The following ITGB5 variants were observed in gnomAD, a reference collection of about 807,000 sequenced individuals.
ITGB5 encodes integrin subunit beta 5.
ITGB5 carries 38 observed loss-of-function variants against 84.8 expected under a neutral mutation model. The observed-to-expected ratio is 0.45, with a 90% CI of 0.35 to 0.59. The LOEUF is 0.59. ITGB5 is among the 20% of genes least tolerant of loss of function. The pLI, the probability that ITGB5 is intolerant of heterozygous loss-of-function variation, is 0.01. For synonymous variants in ITGB5, 393 were observed against 414.4 expected (o/e 0.95, Z 0.63); for missense variants, 905 against 1,034.5 (o/e 0.87, Z 1.72).
chr3:124,810,782 T>C (rs1239424099), intron 8 of ITGB5, among the ~76,000 whole-genome samples: 1 of 152,114 alleles, frequency 6.6e-6, no homozygotes, highest in Non-Finnish European at 1.5e-5. Context: ...GATGTACCCA[T>C]ATGAGAGACA....
chr3:124,860,389 T>C (rs1347040363), intron 2 of ITGB5, among the ~76,000 whole-genome samples: 3 of 152,254 alleles, frequency 2.0e-5, no homozygotes, highest in African/African-American at 4.8e-5. Flanking sequence ...AGAACAATTT[T>C]AAATGAGGTG....
chr3:124,876,764 C>A (rs1934338157), intron 1 of ITGB5, among the ~76,000 whole-genome samples: 1 of 152,160 alleles, frequency 6.6e-6, no homozygotes, highest in African/African-American at 2.4e-5. Flanking sequence ...GCAGGAGGAT[C>A]TGAGGCTGCT....
At chr3:124,764,626 C>A (rs192636376) in intron 13 of ITGB5, 69 bp from the exon 14 acceptor site, 136 of 1,493,006 alleles carry the variant, frequency 9.1e-5, no homozygotes, top group Non-Finnish European at 1.2e-4. Flanking sequence ...CAACTGCAGG[C>A]ATTTCTGAGA....
chr3:124,835,699 G>A (rs920219288), intron 5 of ITGB5, among the ~76,000 whole-genome samples: 1 of 152,226 alleles, frequency 6.6e-6, no homozygotes, highest in South Asian at 2.1e-4. Context: ...CTTGAGGAAA[G>A]AAAGGCAATT....
At chr3:124,781,766 C>G (rs2150948569) in intron 10 of ITGB5, among the ~76,000 whole-genome samples, 1 of 152,264 alleles carries the variant, frequency 6.6e-6, no homozygotes, top group East Asian at 1.9e-4. Flanking sequence ...TTAAAACCAC[C>G]CCTAGAACTC....
intron 5 of ITGB5, among the ~76,000 whole-genome samples, chr3:124,830,265 C>T (rs1392560073): frequency 6.6e-6 from 1 of 152,196 alleles, no homozygotes; most frequent in Non-Finnish European, 1.5e-5. Flanking sequence ...TCTGCCCCAC[C>T]CTCCACAGTT....
chr3:124,819,815 A>G lies in ITGB5; in HGVS notation c.962T>C (p.Leu321Ser), dbSNP rs1156583034. 1.2e-6 allele frequency: 2 copies of G among 1,613,856 alleles called. No individual in the cohort carries two copies. Among genetic ancestry groups the G allele is most frequent in the Non-Finnish European group, 1.7e-6 (2 of 1,179,828 alleles). ...SNQMDYPSLA[L>S]LGEKLAENNI... ...GTTCTCTGCCAATTTCTCTCCAAGCAAGGCAAGGGATGGATAGTCCTAGGG... is the reference window on the plus strand; with the variant it reads ...GTTCTCTGCCAATTTCTCTCCAAGCGAGGCAAGGGATGGATAGTCCTAGGG... Residue 321 changes from leucine to serine, a missense_variant, in exon 7 of 15, where the codon TTG (leucine) becomes TCG (serine). By Grantham distance (145) the Leu-to-Ser change is moderately radical. Around this residue, in one of 3 missense-constraint regions of ITGB5, gnomAD observed 656 missense variants for 734.7 expected, o/e 0.89. Coordinates refer to ENST00000296181, the MANE Select transcript of ITGB5 (RefSeq NM_002213.5).
At chr3:124,775,793 G>A (rs192169792) in intron 10 of ITGB5, among the ~76,000 whole-genome samples, 148 of 152,244 alleles carry the variant, frequency 9.7e-4, no homozygotes, top group Middle Eastern at 3.4e-3. Flanking sequence ...ATATAATATA[G>A]GTCAGAACTC....
chr3:124,795,947 T>TTA (rs2064216101), intron 10 of ITGB5, among the ~76,000 whole-genome samples: 1 of 152,210 alleles, frequency 6.6e-6, no homozygotes, highest in Non-Finnish European at 1.5e-5. Context: ...TAAATGTGTA[T>TTA]TATTTTAAGC....
chr3:124,887,722 C>A (rs1045867845), upstream of ITGB5: 2 of 452,166 alleles, frequency 4.4e-6, no homozygotes, highest in Admixed American at 2.4e-5. Flanking sequence ...GGGCCAAAGG[C>A]GGTTGCTAGA....
At position 124,821,494 on chromosome 3, in the gene ITGB5, TG is replaced by T. The variant is rs1348843973; in HGVS notation, c.781-21del. On this transcript the variant is annotated intron_variant, in intron 5 of 14. Transcript: ENST00000296181. ...CTTCTCCTGAAGGACAGAAGGTGGA[TG>T]GGTACACCAGTCTTTCTGCCCAGTC... 6 of 1,613,364 alleles carry T rather than the reference TG, an allele frequency of 3.7e-6. No homozygotes were observed. The East Asian group carries it at 1.1e-4, about 30-fold the overall frequency.
At chr3:124,804,482 A>G (rs1034438332) in intron 9 of ITGB5, among the ~76,000 whole-genome samples, 4 of 152,124 alleles carry the variant, frequency 2.6e-5, no homozygotes, top group Admixed American at 1.3e-4. Context: ...TTGGAGTTAG[A>G]GGTTACAGTC....
intron 1 of ITGB5, among the ~76,000 whole-genome samples, chr3:124,874,824 T>C (rs2650070): frequency 0.84 from 127,237 of 152,188 alleles, 53,440 homozygotes; most frequent in African/African-American, 0.92. Flanking sequence ...GAAACTGAAC[T>C]CTTATCTCAC....
chr3:124,819,748 C>T lies in ITGB5; in HGVS notation c.1029G>A (p.Met343Ile). The change falls in exon 7 of 15, where the codon ATG becomes ATA. Residue 343 changes from methionine to isoleucine, a missense_variant. Transcript: ENST00000296181. ...CTCCCTCCCAGCATACCTTGTACAG[C>T]ATATAATGGTTTTTTGTCACTGCAA... The part of the protein sequence containing the change: ...LIFAVTKNHY[M>I]LYKNFTALIP... 5 of 1,610,308 alleles carry T rather than the reference C, an allele frequency of 3.1e-6. No individual in the cohort carries two copies. The highest frequency in any genetic ancestry group is 4.2e-6 in the Non-Finnish European group (5 of 1,176,480).
intron 1 of ITGB5, among the ~76,000 whole-genome samples, chr3:124,886,564 G>A (rs1455513475): frequency 1.3e-5 from 2 of 152,054 alleles, no homozygotes; most frequent in African/African-American, 4.8e-5. Flanking sequence ...GCTCCCGGCC[G>A]GCCACAAGGA....
intron 1 of ITGB5, among the ~76,000 whole-genome samples, chr3:124,897,741 T>C (rs1935132076): frequency 6.6e-6 from 1 of 152,190 alleles, no homozygotes; most frequent in Non-Finnish European, 1.5e-5. Context: ...ATGTGACAAA[T>C]ACTGTTCCAG....
intron 2 of ITGB5, among the ~76,000 whole-genome samples, chr3:124,868,349 G>A (rs931517867): frequency 6.6e-6 from 1 of 152,190 alleles, no homozygotes; most frequent in African/African-American, 2.4e-5. Context: ...GTGCTGCAGA[G>A]AGGCAGGGGC....
chr3:124,820,137 G>T (rs2064678075), intron 6 of ITGB5, among the ~76,000 whole-genome samples: 1 of 152,126 alleles, frequency 6.6e-6, no homozygotes, highest in East Asian at 1.9e-4. Context: ...CATCCTTTCA[G>T]CAGGGAGGGG....
intron 9 of ITGB5, among the ~76,000 whole-genome samples, chr3:124,800,944 T>C (rs559859135): frequency 2.0e-5 from 3 of 152,172 alleles, no homozygotes; most frequent in South Asian, 2.1e-4. Context: ...GTCTTGTTAT[T>C]AGAACTTCAT....
Sources: gnomAD v4.1 joint callset for allele counts (sites outside exome capture counted in the v4.1 genomes callset) on GRCh38, gnomAD v4.1.1 for gene constraint, gnomAD v4.1.1 regional missense constraint, MANE v1.5 for transcripts, NCBI Gene and HGNC (gene_info 2026-07-23, HGNC 2026-07-21) for gene names.